Variants in TMEM181 observed in about 807,000 individuals in gnomAD.
TMEM181 encodes G protein-coupled receptor 178.
Under a neutral mutation model 71.9 loss-of-function variants are expected in TMEM181, and 39 were observed. The observed-to-expected ratio is 0.54, with a 90% confidence interval of 0.42 to 0.71. The LOEUF is 0.71. Among genes scored for constraint, TMEM181 ranks in the 30% least tolerant of loss-of-function variants. The probability of loss-of-function intolerance (pLI) is 0.00; values close to 1 mark genes in which losing one functional copy is unlikely to be tolerated. For missense variants in TMEM181, 595 were observed against 583.0 expected (o/e 1.02, Z -0.21); for synonymous variants, 245 against 228.8 (o/e 1.07, Z -0.64).
chr6:158,631,774 G>C (rs1428016921), intron 16 of TMEM181, 36 bp from the exon 17 acceptor site: 2 of 1,566,440 alleles, frequency 1.3e-6, no homozygotes, highest in African/African-American at 2.7e-5. Flanking sequence ...AGAGCTGTCA[G>C]AAGTTAGACG....
Position 158,608,749 on chromosome 6 carries a change from A to G in TMEM181, c.895A>G (p.Thr299Ala), listed in dbSNP as rs937179287. 6.2e-7 allele frequency: 1 copy of G among 1,610,114 alleles called. No homozygotes were observed. The highest frequency in any genetic ancestry group is 8.5e-7 in the Non-Finnish European group (1 of 1,178,940). ...TTCTGTTACGCTAGGAATATGGCAA[A>G]CGTGAGTAATTCTATTATGTGTGAA... The part of the protein sequence containing the change: ...LASVTLGIWQ[T>A]VNELHDPMYQ... Residue 299 changes from threonine to alanine, a missense_variant and splice_region_variant, in exon 10 of 17, where the codon ACA becomes GCA. By Grantham distance (58) the Thr-to-Ala change is moderately conservative. Transcript: ENST00000684151.
intron 1 of TMEM181, among the ~76,000 whole-genome samples, chr6:158,545,580 C>T (rs1781501660): frequency 6.6e-6 from 1 of 151,926 alleles, no homozygotes; most frequent in Admixed American, 6.5e-5. Context: ...GCCTTCTCTG[C>T]CTTCTGGGGC....
chr6:158,578,752 T>C (rs879487453), intron 2 of TMEM181, among the ~76,000 whole-genome samples: 5 of 152,222 alleles, frequency 3.3e-5, no homozygotes, highest in Admixed American at 2.6e-4. Context: ...CAGTAATTAC[T>C]ATAAATGTAA....
At chr6:158,571,730 C>T (rs1782861348) in intron 1 of TMEM181, among the ~76,000 whole-genome samples, 1 of 152,240 alleles carries the variant, frequency 6.6e-6, no homozygotes, top group Non-Finnish European at 1.5e-5. Flanking sequence ...AGGGCTTGCC[C>T]AGAGGAGTTG....
chr6:158,627,732 C>G (rs1401852688), intron 13 of TMEM181, among the ~76,000 whole-genome samples: 1 of 152,174 alleles, frequency 6.6e-6, no homozygotes, highest in Non-Finnish European at 1.5e-5. Flanking sequence ...GCTCTTGAGT[C>G]CAGTTTCCAT....
At chr6:158,584,423 A>AGGG (rs1412909646) in intron 4 of TMEM181, among the ~76,000 whole-genome samples, 3 of 152,190 alleles carry the variant, frequency 2.0e-5, no homozygotes, top group African/African-American at 7.2e-5. Flanking sequence ...GGAGAGGAGG[A>AGGG]GGGAGTGCTC....
At chr6:158,590,758 G>A (rs531949849) in intron 6 of TMEM181, among the ~76,000 whole-genome samples, 34 of 152,330 alleles carry the variant, frequency 2.2e-4, no homozygotes, top group African/African-American at 7.5e-4. Flanking sequence ...CACCGCGCCC[G>A]GCCCATTCAG....
At chr6:158,553,852 G>A (rs1327921718) in intron 1 of TMEM181, among the ~76,000 whole-genome samples, 1 of 152,170 alleles carries the variant, frequency 6.6e-6, no homozygotes, top group Non-Finnish European at 1.5e-5. Context: ...GTGACTGGGT[G>A]AAACAACGTC....
intron 13 of TMEM181, chr6:158,626,349 C>G (rs558534056): frequency 1.1e-5 from 5 of 456,046 alleles, no homozygotes; most frequent in African/African-American, 1.0e-4. Flanking sequence ...CAGGTAATTG[C>G]TTGGTGGTTT....
intron 6 of TMEM181, among the ~76,000 whole-genome samples, chr6:158,603,800 T>C (rs550678564): frequency 4.2e-4 from 64 of 152,302 alleles, no homozygotes; most frequent in Admixed American, 3.3e-4. Context: ...TTTCCTCATA[T>C]GGTTTGTATT....
chr6:158,559,602 T>C (rs956196483), upstream of TMEM181, among the ~76,000 whole-genome samples: 9 of 152,200 alleles, frequency 5.9e-5, no homozygotes, highest in Admixed American at 3.3e-4. Flanking sequence ...AGAAGCGGCT[T>C]GCGGGAGAAG....
intron 10 of TMEM181, among the ~76,000 whole-genome samples, chr6:158,617,641 T>G (rs1452612222): frequency 6.6e-6 from 1 of 152,238 alleles, no homozygotes; most frequent in East Asian, 1.9e-4. Flanking sequence ...CTCTACACAC[T>G]TCTTTAAATG....
At chr6:158,558,540 C>G (rs149747943), upstream of TMEM181, among the ~76,000 whole-genome samples, 14 of 152,192 alleles carry the variant, frequency 9.2e-5, no homozygotes, top group African/African-American at 1.7e-4. Context: ...GACAGCTTAA[C>G]TGGTTACAGG....
chr6:158,581,941 C>T lies in TMEM181; in HGVS notation c.168+946C>T, dbSNP rs182235776. Among the ~76,000 whole-genome samples the T allele has an allele frequency of 1.4e-3, 210 of 152,138 alleles. 1 individual carries two copies. The highest frequency in any genetic ancestry group is 4.8e-3 in the African/African-American group (200 of 41,510). Reference sequence around the variant, plus strand: ...ACTGAACACAGTTGCCCTGTATCTTCGAGGCACCATGATATATATAGTTTA... The same window carrying T: ...ACTGAACACAGTTGCCCTGTATCTTTGAGGCACCATGATATATATAGTTTA... On this transcript the variant is annotated intron_variant, in intron 3 of 16. Coordinates refer to ENST00000684151, the MANE Select transcript of TMEM181 (RefSeq NM_001376852.1).
chr6:158,553,864 A>G (rs529933083), intron 1 of TMEM181, among the ~76,000 whole-genome samples: 1 of 152,200 alleles, frequency 6.6e-6, no homozygotes, highest in Admixed American at 6.5e-5. Flanking sequence ...AACAACGTCC[A>G]ACAGGTCCTC....
chr6:158,544,343 C>T (rs1372805982), intron 1 of TMEM181, among the ~76,000 whole-genome samples: 2 of 151,954 alleles, frequency 1.3e-5, no homozygotes, highest in African/African-American at 4.8e-5. Flanking sequence ...CCAGGAAACC[C>T]CTCCGTCCCA....
rs538215317 is a variant in TMEM181 at position 158,604,523 on chromosome 6, G to C, written c.493-744G>C. Among the ~76,000 whole-genome samples, 54 of 152,298 alleles carry C rather than the reference G, an allele frequency of 3.5e-4. No homozygotes were observed. The South Asian group carries it at 0.011, about 30-fold the overall frequency. ...CTCGTGCTTAGGTTGGTGGTGGCTA[G>C]CCTCTGCTCTGCTGTCAGCAGCAGT... is the stretch of plus-strand genomic sequence containing the variant. On this transcript the variant is annotated intron_variant, in intron 6 of 16. Transcript: ENST00000684151.
At position 158,628,162 on chromosome 6, in the gene TMEM181, C is replaced by A. The variant is rs572416451; in HGVS notation, c.1110-246C>A. ...GATGGGGCCTGCAGCAGGGTTCATC[C>A]TGTCCCTGCAGCCGGCCGGTGGGTC... On this transcript the variant is annotated intron_variant, in intron 13 of 16. Transcript: ENST00000684151. 205 of 664,994 alleles carry A rather than the reference C, an allele frequency of 3.1e-4. 6 individuals are homozygous for A. The highest frequency in any genetic ancestry group is 3.0e-3 in the South Asian group (202 of 66,264). The allele number at this position is 664,994 out of a possible 1,614,324, so 41.2% of individuals were successfully genotyped here. A position where few individuals can be genotyped will look rare whatever the true frequency, so the allele number is the denominator to read the frequency against.
intron 2 of TMEM181, among the ~76,000 whole-genome samples, chr6:158,576,876 C>T (rs901430911): frequency 6.6e-6 from 1 of 151,954 alleles, no homozygotes; most frequent in Non-Finnish European, 1.5e-5. Context: ...TCCTGGCTAA[C>T]ATGGTGAAAC....
Sources: allele counts gnomAD v4.1 joint callset (sites outside exome capture counted in the v4.1 genomes callset), GRCh38; gene constraint gnomAD v4.1.1; transcripts MANE v1.5; gene names NCBI Gene and HGNC (gene_info 2026-07-23, HGNC 2026-07-21).